EMC2: variants seen among roughly 807,000 people sequenced by gnomAD.
The protein encoded by EMC2 is TPR repeat protein 35.
EMC2 carries 37 observed loss-of-function variants against 51.6 expected under a neutral mutation model. The observed-to-expected ratio is 0.72, with a 90% CI of 0.55 to 0.94. The LOEUF is 0.94. Among genes scored for constraint, EMC2 ranks in the 40% least tolerant of loss-of-function variants. The pLI is 0.00. For missense variants in EMC2, 359 were observed against 350.9 expected, an observed-to-expected ratio of 1.02 and a Z score of -0.18; for synonymous variants, 131 against 112.4, an observed-to-expected ratio of 1.17 and a Z score of -1.04.
intron 5 of EMC2, among the ~76,000 whole-genome samples, chr8:108,460,394 T>G (rs958094876): frequency 2.6e-5 from 4 of 152,166 alleles, no homozygotes; most frequent in African/African-American, 4.8e-5. Context: ...CCTCATAGAA[T>G]ATGTGTGAAG....
At chr8:108,447,861 C>T (rs1364070562) in intron 1 of EMC2, among the ~76,000 whole-genome samples, 2 of 152,020 alleles carry the variant, frequency 1.3e-5, no homozygotes, top group African/African-American at 4.8e-5. Flanking sequence ...TTTTAAGCCA[C>T]CTTTGAGGAA....
At chr8:108,455,323 A>G (rs1371107418) in intron 4 of EMC2, among the ~76,000 whole-genome samples, 1 of 152,092 alleles carries the variant, frequency 6.6e-6, no homozygotes, top group Non-Finnish European at 1.5e-5. Flanking sequence ...AGTTATGCCC[A>G]ATCTACTGAT....
At chr8:108,447,994 T>A (rs1818920342) in intron 1 of EMC2, among the ~76,000 whole-genome samples, 2 of 151,928 alleles carry the variant, frequency 1.3e-5, no homozygotes, top group South Asian at 2.1e-4. Flanking sequence ...TTACACGAAT[T>A]TTCTAGTGTT....
At position 108,486,804 on chromosome 8, in the gene EMC2, T is replaced by G. The variant is rs1305036372; in HGVS notation, c.*206T>G. 1 of 434,318 alleles carries G rather than the reference T, an allele frequency of 2.3e-6. No homozygotes were observed. Among genetic ancestry groups the G allele is most frequent in the African/African-American group, 2.0e-5 (1 of 48,808 alleles). 26.9% of individuals were successfully genotyped at this position (434,318 alleles called of 1,614,324 possible). On this transcript the variant is annotated 3_prime_UTR_variant, in exon 11 of 11. Coordinates refer to ENST00000220853, the MANE Select transcript of EMC2 (RefSeq NM_014673.5). ...TGGGGGAAATCCATGGAAGAGAGAT[T>G]TAAGACTTATTGATTGTACATCAGT...
At chr8:108,452,366 C>T (rs920392377) in intron 3 of EMC2, among the ~76,000 whole-genome samples, 3 of 151,942 alleles carry the variant, frequency 2.0e-5, no homozygotes, top group Non-Finnish European at 4.4e-5. Flanking sequence ...CAGGAGTTCG[C>T]GACCAGGCTG....
intron 5 of EMC2, among the ~76,000 whole-genome samples, chr8:108,460,279 AAG>A (rs1819285614): frequency 6.6e-6 from 1 of 152,212 alleles, no homozygotes; most frequent in African/African-American, 2.4e-5. Context: ...TTCAGACTAT[AAG>A]ATAATATGTG....
At chr8:108,457,319 T>C (rs1458353479) in intron 5 of EMC2, among the ~76,000 whole-genome samples, 2 of 101,304 alleles carry the variant, frequency 2.0e-5, no homozygotes, top group African/African-American at 3.2e-5. Flanking sequence ...TGTAGGGATG[T>C]GCGTGTGTGT....
At chr8:108,450,053 C>A (rs931823689) in intron 2 of EMC2, 117 bp downstream of exon 2, 24 of 503,164 alleles carry the variant, frequency 4.8e-5, no homozygotes, top group Non-Finnish European at 6.7e-5. Flanking sequence ...TTCTTTGTGA[C>A]TTTTTGTCCC....
At chr8:108,471,242 CTTATA>C (rs1055609721) in intron 7 of EMC2, among the ~76,000 whole-genome samples, 3 of 151,692 alleles carry the variant, frequency 2.0e-5, no homozygotes, top group African/African-American at 7.3e-5. Context: ...GTATATAATA[CTTATA>C]TTTAAATACA....
At chr8:108,465,711 T>C (rs946289246) in intron 5 of EMC2, among the ~76,000 whole-genome samples, 1 of 152,230 alleles carries the variant, frequency 6.6e-6, no homozygotes, top group East Asian at 1.9e-4. Flanking sequence ...ATTATATGAA[T>C]TGATATTGGC....
At position 108,455,929 on chromosome 8, in the gene EMC2, C is replaced by A; in HGVS notation, c.362C>A (p.Thr121Asn). 7.5e-7 allele frequency: 1 copy of A among 1,334,342 alleles called. No individual in the cohort carries two copies. Among genetic ancestry groups the A allele is most frequent in the Non-Finnish European group, 1.0e-6 (1 of 983,740 alleles). 82.7% of individuals were successfully genotyped at this position (1,334,342 alleles called of 1,614,324 possible). A position where few individuals can be genotyped will look rare whatever the true frequency, so the allele number is the denominator to read the frequency against. The change falls in exon 5 of 11, where the codon ACT becomes AAT. Residue 121 changes from threonine to asparagine, a missense_variant and splice_region_variant. Coordinates refer to ENST00000220853, the MANE Select transcript of EMC2 (RefSeq NM_014673.5). Reference protein sequence around the residue: ...DRILQEDPTNTAARKRKIAIR... With the variant: ...DRILQEDPTNNAARKRKIAIR... ...ATTTTACAAGAAGATCCAACTAACA[C>A]TGTAAGTTGGCAGATTGTCTTGAAA...
Position 108,453,657 on chromosome 8 carries a change from A to G in EMC2, c.305+510A>G, listed in dbSNP as rs1387884431. ...AGACAATAGGAACATTTAAATTATG[A>G]TTATTTTTAGTTTGTAAGAGTGCTT... is the stretch of plus-strand genomic sequence containing the variant. On this transcript the variant is annotated intron_variant, in intron 4 of 10. Coordinates refer to ENST00000220853, the MANE Select transcript of EMC2 (RefSeq NM_014673.5). Among the ~76,000 whole-genome samples, 12 of 152,004 alleles carry G rather than the reference A, an allele frequency of 7.9e-5. No individual in the cohort carries two copies. In the East Asian group the frequency reaches 1.9e-3, roughly 24 times the overall value.
chr8:108,477,640 A>G (rs955895696), intron 9 of EMC2, among the ~76,000 whole-genome samples: 1 of 152,078 alleles, frequency 6.6e-6, no homozygotes, highest in Non-Finnish European at 1.5e-5. Context: ...AGGAATGGCA[A>G]AATATGGTTA....
In EMC2 at chr8:108,454,508, T is replaced by C. The variant is rs2130347431; in HGVS notation, c.305+1361T>C. Among the ~76,000 whole-genome samples, 3 of 152,222 alleles carry C rather than the reference T, an allele frequency of 2.0e-5. 1 individual carries two copies. The highest frequency in any genetic ancestry group is 6.8e-3 in the Middle Eastern group (2 of 294). ...TACAACAGAGTATTTTTAATTCTTC[T>C]CTTTCGTCATTTGTAACACTGCTTT... is the stretch of plus-strand genomic sequence containing the variant. On this transcript the variant is annotated intron_variant, in intron 4 of 10. Transcript: ENST00000220853.
chr8:108,450,394 A>G, intron 2 of EMC2, 34 bp from the exon 3 acceptor site: 1 of 1,296,586 alleles, frequency 7.7e-7, no homozygotes, highest in Non-Finnish European at 1.1e-6. Flanking sequence ...TTTAATATTA[A>G]ATTCAGTTTT....
intron 4 of EMC2, among the ~76,000 whole-genome samples, chr8:108,454,445 AG>A (rs1819105957): frequency 6.6e-6 from 1 of 152,074 alleles, no homozygotes; most frequent in African/African-American, 2.4e-5. Flanking sequence ...TCAACTTTCA[AG>A]TAACACTATA....
intron 7 of EMC2, among the ~76,000 whole-genome samples, chr8:108,471,568 A>T (rs1174363859): frequency 6.6e-6 from 1 of 151,916 alleles, no homozygotes; most frequent in Admixed American, 6.6e-5. Context: ...AGCCCAAAAT[A>T]AAATTATCTT....
rs1818974969 is a variant in EMC2 at position 108,449,905 on chromosome 8, T to G, written c.123T>G (p.Ile41Met). 2 of 1,578,782 alleles carry G rather than the reference T, an allele frequency of 1.3e-6. No homozygotes were observed. The highest frequency in any genetic ancestry group is 2.2e-5 in the East Asian group (1 of 44,578). Residue 41 changes from isoleucine to methionine, a missense_variant, in exon 2 of 11, where the codon ATT becomes ATG. By Grantham distance (10) the Ile-to-Met change is conservative. Coordinates refer to ENST00000220853, the MANE Select transcript of EMC2 (RefSeq NM_014673.5). The part of the protein sequence containing the change: ...EQIVEVGEEL[I>M]NEYASKLGDD... ...TTGTGGAAGTTGGAGAAGAATTAATTAATGAATATGCTTCTAAGCTGGGAG... is the reference window on the plus strand; with the variant it reads ...TTGTGGAAGTTGGAGAAGAATTAATGAATGAATATGCTTCTAAGCTGGGAG...
At chr8:108,460,913 C>T (rs1819303672) in intron 5 of EMC2, among the ~76,000 whole-genome samples, 1 of 152,126 alleles carries the variant, frequency 6.6e-6, no homozygotes, top group African/African-American at 2.4e-5. Flanking sequence ...GTATTGAATA[C>T]CTCTCATGAA....
Sources: gnomAD v4.1 joint callset for allele counts (sites outside exome capture counted in the v4.1 genomes callset) on GRCh38, gnomAD v4.1.1 for gene constraint, MANE v1.5 for transcripts, NCBI Gene and HGNC (gene_info 2026-07-23, HGNC 2026-07-21) for gene names.